Variants in PITPNM2 observed in about 807,000 individuals in gnomAD.
The protein encoded by PITPNM2 is membrane-associated phosphatidylinositol transfer protein 2.
In PITPNM2, 35 loss-of-function variants were observed where a neutral mutation model predicts 132.2. The ratio of observed to expected loss-of-function variants is 0.26; its 90% confidence interval spans 0.20 to 0.35. The LOEUF is 0.35. PITPNM2 is among the 10% of genes least tolerant of loss of function. The pLI, the probability that PITPNM2 is intolerant of heterozygous loss-of-function variation, is 1.00. For missense variants in PITPNM2, 1,332 were observed against 1,912.0 expected (o/e 0.70, Z 5.66); for synonymous variants, 738 against 799.2 (o/e 0.92, Z 1.29).
intron 2 of PITPNM2, chr12:123,090,529 A>G (rs1350147683): frequency 1.4e-5 from 2 of 144,584 alleles, no homozygotes; most frequent in Non-Finnish European, 3.1e-5. Context: ...ACCTGGCTAA[A>G]TTTTTTTTTT....
chr12:123,042,366 A>T (rs1229273547), intron 2 of PITPNM2, among the ~76,000 whole-genome samples: 1 of 152,222 alleles, frequency 6.6e-6, no homozygotes, highest in African/African-American at 2.4e-5. Flanking sequence ...AGCGGAGGCC[A>T]TGAGACACCC....
intron 2 of PITPNM2, chr12:123,084,711 T>C (rs1273575513): frequency 2.0e-5 from 3 of 152,198 alleles, no homozygotes; most frequent in Non-Finnish European, 4.4e-5. Context: ...TCCACTCCCC[T>C]TCCCCAAAAC....
At chr12:123,039,139 C>T (rs1415496422) in intron 2 of PITPNM2, among the ~76,000 whole-genome samples, 3 of 152,014 alleles carry the variant, frequency 2.0e-5, no homozygotes, top group African/African-American at 4.8e-5. Context: ...CTGGCACGGC[C>T]GGGCTGCATC....
chr12:123,073,268 A>G (rs2041669025), intron 2 of PITPNM2, among the ~76,000 whole-genome samples: 1 of 151,998 alleles, frequency 6.6e-6, no homozygotes, highest in Non-Finnish European at 1.5e-5. Context: ...CTAACATAAG[A>G]ACTCCCCTCT....
Position 123,058,712 on chromosome 12 carries a change from C to T in PITPNM2, c.-95-24027G>A, listed in dbSNP as rs1168630760. Among the ~76,000 whole-genome samples, 1 of 152,222 alleles carries T rather than the reference C, an allele frequency of 6.6e-6. No homozygotes were observed. The highest frequency in any genetic ancestry group is 1.5e-5 in the Non-Finnish European group (1 of 68,048). Reference sequence around the variant, plus strand: ...TGAGGCATTTGCTCAAGGCCCCAAGCGCTGTAGAAGCTGGTAACTGTTGCC... The same window carrying T: ...TGAGGCATTTGCTCAAGGCCCCAAGTGCTGTAGAAGCTGGTAACTGTTGCC... On this transcript the variant is annotated intron_variant, in intron 2 of 25. Coordinates refer to ENST00000320201, the MANE Select transcript of PITPNM2 (RefSeq NM_020845.3). This position sits in a 1 kb window ranked among gnomAD's most constrained non-coding sequence, Gnocchi z 4.0.
chr12:123,097,022 A>AT lies in PITPNM2; in HGVS notation c.-96+13362dup, dbSNP rs1555296897. Among the ~76,000 whole-genome samples, 56 of 151,826 alleles carry AT rather than the reference A, an allele frequency of 3.7e-4. No individual in the cohort carries two copies. The highest frequency in any genetic ancestry group is 3.3e-3 in the South Asian group (16 of 4,792). ...CCTGCCATCTCTCTTTATTTTTATT[A>AT]TTATTTATTTATTTATTTATTTTTA... On this transcript the variant is annotated intron_variant, in intron 2 of 25. Coordinates refer to ENST00000320201, the MANE Select transcript of PITPNM2 (RefSeq NM_020845.3). The surrounding 1 kb of genome is among the most constrained non-coding windows in gnomAD (Gnocchi z 4.7).
chr12:123,040,694 A>T (rs556722002), intron 2 of PITPNM2, among the ~76,000 whole-genome samples: 15 of 152,188 alleles, frequency 9.9e-5, no homozygotes, highest in African/African-American at 3.1e-4. Flanking sequence ...ATACTTTTTT[A>T]AAAAAAGATC....
chr12:123,103,377 T>A (rs143578527), intron 2 of PITPNM2, among the ~76,000 whole-genome samples: 3 of 152,192 alleles, frequency 2.0e-5, no homozygotes, highest in African/African-American at 7.2e-5. Context: ...ATGAGCCAAG[T>A]GAATAATGCA....
Position 123,037,433 on chromosome 12 carries a change from G to C in PITPNM2, c.-95-2748C>G, listed in dbSNP as rs188535692. 3.3e-5 allele frequency among the ~76,000 whole-genome samples: 5 copies of C among 152,362 alleles called. No individual in the cohort carries two copies. In the East Asian group the frequency reaches 9.6e-4, roughly 29 times the overall value. On this transcript the variant is annotated intron_variant, in intron 2 of 25. Coordinates refer to ENST00000320201, the MANE Select transcript of PITPNM2 (RefSeq NM_020845.3). Reference sequence around the variant, plus strand: ...ACTAGGAAGGCACAGCAGGTGCTTGGTGTGAAGCAGTACACCTGTGTGACG... The same window carrying C: ...ACTAGGAAGGCACAGCAGGTGCTTGCTGTGAAGCAGTACACCTGTGTGACG...
chr12:123,033,656 C>T (rs2040169875), intron 3 of PITPNM2, among the ~76,000 whole-genome samples: 2 of 152,176 alleles, frequency 1.3e-5, no homozygotes, highest in African/African-American at 4.8e-5. Flanking sequence ...AGGCATTTAA[C>T]ATCTCTGGGC....
In PITPNM2 at chr12:123,134,074, A is replaced by AT. The variant is rs539832466; in HGVS notation, c.-200+16678dup. On this transcript the variant is annotated intron_variant, in intron 1 of 25. Coordinates refer to ENST00000320201, the MANE Select transcript of PITPNM2 (RefSeq NM_020845.3). ...TCTCCAACCAGGAGCTACTTTATCC[A>AT]TTTTTTTTTTAGATCGAGTCTCGCT... is the stretch of plus-strand genomic sequence containing the variant. 3.0e-4 allele frequency among the ~76,000 whole-genome samples: 45 copies of AT among 150,000 alleles called. 1 individual carries two copies. Among genetic ancestry groups the AT allele is most frequent in the Non-Finnish European group, 4.3e-4 (29 of 67,338 alleles).
chr12:123,134,957 G>A (rs1180820463), intron 1 of PITPNM2, among the ~76,000 whole-genome samples: 1 of 152,178 alleles, frequency 6.6e-6, no homozygotes, highest in African/African-American at 2.4e-5. Flanking sequence ...TGTAGCTGGT[G>A]GGCCTAGCAG....
intron 2 of PITPNM2, among the ~76,000 whole-genome samples, chr12:123,080,682 C>T (rs1163721593): frequency 6.6e-6 from 1 of 152,220 alleles, no homozygotes; most frequent in East Asian, 1.9e-4. Flanking sequence ...ATGCATGTGC[C>T]AACCCCACAC....
chr12:123,018,298 T>TC (rs2039526563), intron 3 of PITPNM2, among the ~76,000 whole-genome samples: 1 of 39,308 alleles, frequency 2.5e-5, no homozygotes, highest in African/African-American at 3.7e-5. Flanking sequence ...CTTTTCTTTT[T>TC]TTTTTTTTTT....
At chr12:123,002,826 T>A (rs2038756132) in intron 8 of PITPNM2, among the ~76,000 whole-genome samples, 2 of 152,236 alleles carry the variant, frequency 1.3e-5, no homozygotes, top group Admixed American at 1.3e-4. Flanking sequence ...TGTCAAATAT[T>A]TATCATTTCT....
chr12:123,126,676 T>A lies in PITPNM2; in HGVS notation c.-199-16188A>T, dbSNP rs555272164. Among the ~76,000 whole-genome samples, 3 of 152,296 alleles carry A rather than the reference T, an allele frequency of 2.0e-5. No individual in the cohort carries two copies. The South Asian group carries it at 6.2e-4, about 32-fold the overall frequency. ...TGGCAGACACACATCCATCCACCCC[T>A]TCCGTGGCCTCCGAGAACAGCCTGA... On this transcript the variant is annotated intron_variant, in intron 1 of 25. Transcript: ENST00000320201.
Position 123,005,422 on chromosome 12 carries a change from A to G in PITPNM2, c.770T>C (p.Met257Thr), listed in dbSNP as rs1411526593. Reference protein sequence around the residue: ...KEAQLMLSRKMAQFNEDGEEA... With the variant: ...KEAQLMLSRKTAQFNEDGEEA... ...CTCACCATCCTCATTGAACTGGGCCATCTTACGGGAAAGCATGAGCTGTGC... is the reference window on the plus strand; with the variant it reads ...CTCACCATCCTCATTGAACTGGGCCGTCTTACGGGAAAGCATGAGCTGTGC... The change falls in exon 7 of 26, where the codon ATG becomes ACG. Residue 257 changes from methionine to threonine, a missense_variant. Physicochemically the swap from Met to Thr is moderately conservative, Grantham distance 81. Coordinates refer to ENST00000320201, the MANE Select transcript of PITPNM2 (RefSeq NM_020845.3). This position sits in a 1 kb window ranked among gnomAD's most constrained non-coding sequence, Gnocchi z 6.2. The G allele has an allele frequency of 6.2e-7, 1 of 1,614,138 alleles. No homozygotes were observed.
At chr12:123,015,858 T>A (rs1329595286) in intron 3 of PITPNM2, among the ~76,000 whole-genome samples, 13 of 152,210 alleles carry the variant, frequency 8.5e-5, no homozygotes, top group Non-Finnish European at 1.6e-4. Flanking sequence ...ATGTATCTGA[T>A]AAGGGACTTG....
At chr12:123,122,810 C>G (rs989024618) in intron 1 of PITPNM2, among the ~76,000 whole-genome samples, 2 of 152,170 alleles carry the variant, frequency 1.3e-5, no homozygotes, top group Admixed American at 1.3e-4. Context: ...CTGCCCTTTG[C>G]GGTAGAAAAG....
Sources: allele counts gnomAD v4.1 joint callset (sites outside exome capture counted in the v4.1 genomes callset), GRCh38; gene constraint gnomAD v4.1.1; non-coding constraint Gnocchi (gnomAD v3.1); transcripts MANE v1.5; gene names NCBI Gene and HGNC (gene_info 2026-07-23, HGNC 2026-07-21).